Variants in UNC5D observed in about 807,000 individuals in gnomAD.
The protein encoded by UNC5D is unc-5 netrin receptor D.
In UNC5D, 39 loss-of-function variants were observed where a neutral mutation model predicts 105.4. The observed-to-expected ratio is 0.37, with a 90% CI of 0.29 to 0.48. The LOEUF is 0.48. Ranked by LOEUF, UNC5D falls within the 20% of genes least tolerant of loss-of-function variation. The probability of loss-of-function intolerance (pLI) is 0.98; values close to 1 mark genes in which losing one functional copy is unlikely to be tolerated. For synonymous variants in UNC5D, 452 were observed against 450.4 expected (o/e 1.00, Z -0.04); for missense variants, 991 against 1,202.4 (o/e 0.82, Z 2.60).
chr8:35,636,088 C>G (rs1224375546), intron 4 of UNC5D, among the ~76,000 whole-genome samples: 1 of 152,158 alleles, frequency 6.6e-6, no homozygotes, highest in Non-Finnish European at 1.5e-5. Context: ...TTTTGCTCAT[C>G]ATTAAGAGTT....
intron 1 of UNC5D, among the ~76,000 whole-genome samples, chr8:35,516,640 C>T (rs936326334): frequency 6.6e-6 from 1 of 152,222 alleles, no homozygotes; most frequent in African/African-American, 2.4e-5. Context: ...AACACTTTCT[C>T]TACTATCTCT....
At chr8:35,432,272 ATTG>A (rs748832616) in intron 1 of UNC5D, among the ~76,000 whole-genome samples, 20 of 152,292 alleles carry the variant, frequency 1.3e-4, no homozygotes, top group Non-Finnish European at 2.4e-4. Flanking sequence ...AACCTCTATT[ATTG>A]TTGTTATTAT....
At chr8:35,431,501 T>C (rs1334474424) in intron 1 of UNC5D, among the ~76,000 whole-genome samples, 1 of 152,166 alleles carries the variant, frequency 6.6e-6, no homozygotes, top group African/African-American at 2.4e-5. Flanking sequence ...CAAAAAAGAA[T>C]GTTTCTAGGA....
intron 1 of UNC5D, chr8:35,255,728 T>G (rs1804035035): frequency 6.6e-6 from 1 of 152,196 alleles, no homozygotes; most frequent in South Asian, 2.1e-4. Flanking sequence ...TGGTATAGCC[T>G]CACCTCTAAG....
chr8:35,449,303 T>C (rs1204292758), intron 1 of UNC5D, among the ~76,000 whole-genome samples: 1 of 152,128 alleles, frequency 6.6e-6, no homozygotes, highest in Non-Finnish European at 1.5e-5. Flanking sequence ...TCCTCCCTTC[T>C]TTTGCTCCCT....
At chr8:35,449,431 T>G (rs938337695) in intron 1 of UNC5D, among the ~76,000 whole-genome samples, 7 of 152,158 alleles carry the variant, frequency 4.6e-5, no homozygotes, top group African/African-American at 1.4e-4. Context: ...TGGGTCTCAG[T>G]CTTCCCCTCC....
intron 3 of UNC5D, among the ~76,000 whole-genome samples, chr8:35,573,953 A>C (rs1817924823): frequency 6.6e-6 from 1 of 152,312 alleles, no homozygotes; most frequent in African/African-American, 2.4e-5. Flanking sequence ...TTTACCCCAC[A>C]AAATTGGCAG....
intron 4 of UNC5D, among the ~76,000 whole-genome samples, chr8:35,681,253 A>G (rs926142069): frequency 2.0e-5 from 3 of 152,182 alleles, no homozygotes; most frequent in African/African-American, 7.2e-5. Context: ...GTAATTTTCA[A>G]GGGAGAGGAA....
intron 13 of UNC5D, among the ~76,000 whole-genome samples, chr8:35,758,046 A>G (rs1056680300): frequency 6.6e-6 from 1 of 152,226 alleles, no homozygotes; most frequent in African/African-American, 2.4e-5. Flanking sequence ...GAATATTTCT[A>G]TCATCACAGC....
intron 1 of UNC5D, among the ~76,000 whole-genome samples, chr8:35,481,415 A>G (rs776963683): frequency 1.6e-4 from 24 of 152,168 alleles, no homozygotes; most frequent in African/African-American, 5.5e-4. Flanking sequence ...AAAGAAAAGA[A>G]AACAGAAAAT....
At chr8:35,504,248 G>A (rs1319722977) in intron 1 of UNC5D, among the ~76,000 whole-genome samples, 1 of 152,182 alleles carries the variant, frequency 6.6e-6, no homozygotes. Context: ...GACCTGCCGT[G>A]TGACCTTAGG....
chr8:35,514,202 A>G (rs1812966857), intron 1 of UNC5D, among the ~76,000 whole-genome samples: 3 of 152,226 alleles, frequency 2.0e-5, no homozygotes. Flanking sequence ...GCAGGAAAGC[A>G]TAGCTGAGCA....
At chr8:35,465,503 A>C (rs368511036) in intron 1 of UNC5D, among the ~76,000 whole-genome samples, 1 of 151,138 alleles carries the variant, frequency 6.6e-6, no homozygotes, top group African/African-American at 2.5e-5. Context: ...GCAAGACCCA[A>C]CCTCAAAAAA....
intron 4 of UNC5D, among the ~76,000 whole-genome samples, chr8:35,613,781 G>A (rs1474691956): frequency 1.3e-5 from 2 of 152,140 alleles, no homozygotes; most frequent in Admixed American, 6.5e-5. Flanking sequence ...CCTGGGAGGC[G>A]GAGGTTGCAG....
chr8:35,684,504 C>T, intron 5 of UNC5D, 78 bp from the exon 6 acceptor site: 1 of 1,531,430 alleles, frequency 6.5e-7, no homozygotes, highest in Non-Finnish European at 8.8e-7. Flanking sequence ...CAGCACCTGG[C>T]ACAGTGGCTT....
intron 2 of UNC5D, among the ~76,000 whole-genome samples, chr8:35,557,506 G>A (rs894948004): frequency 6.6e-6 from 1 of 152,144 alleles, no homozygotes; most frequent in Admixed American, 6.5e-5. Flanking sequence ...ATGAAACATT[G>A]TTCTGCCTTT....
intron 1 of UNC5D, among the ~76,000 whole-genome samples, chr8:35,507,693 T>C (rs1266052485): frequency 6.6e-6 from 1 of 152,034 alleles, no homozygotes; most frequent in Admixed American, 6.6e-5. Context: ...GGCCTAGTAT[T>C]TGATAGCACA....
chr8:35,320,433 G>A (rs1256329021), intron 1 of UNC5D, among the ~76,000 whole-genome samples: 2 of 152,062 alleles, frequency 1.3e-5, no homozygotes, highest in Non-Finnish European at 2.9e-5. Context: ...ATAAAAAGAT[G>A]CCACACTCTT....
chr8:35,297,879 C>T (rs1409313544), intron 1 of UNC5D, among the ~76,000 whole-genome samples: 1 of 152,064 alleles, frequency 6.6e-6, no homozygotes, highest in Non-Finnish European at 1.5e-5. Context: ...GACAGCATTC[C>T]ACGACTTCCA....
Sources: allele counts gnomAD v4.1 joint callset (sites outside exome capture counted in the v4.1 genomes callset), GRCh38; gene constraint gnomAD v4.1.1; transcripts MANE v1.5; gene names NCBI Gene and HGNC (gene_info 2026-07-23, HGNC 2026-07-21).